THADA: variants seen among roughly 807,000 people sequenced by gnomAD.
THADA encodes tRNA (32-2'-O)-methyltransferase regulator THADA.
In THADA, 213 loss-of-function variants were observed where a neutral mutation model predicts 219.8. The ratio of observed to expected loss-of-function variants is 0.97; its 90% CI spans 0.87 to 1.09. The LOEUF is 1.09. Among genes scored for constraint, THADA ranks in the 50% least tolerant of loss-of-function variants. The probability of loss-of-function intolerance (pLI) is 0.00; values close to 1 mark genes in which losing one functional copy is unlikely to be tolerated. For missense variants in THADA, 2,956 were observed against 2,311.3 expected (o/e 1.28, Z -5.72); for synonymous variants, 1,018 against 828.9 (o/e 1.23, Z -3.92).
intron 36 of THADA, among the ~76,000 whole-genome samples, chr2:43,245,242 G>A (rs1312345574): frequency 2.9e-5 from 4 of 138,314 alleles, no homozygotes; most frequent in Admixed American, 7.7e-5. Flanking sequence ...GTGTGATCTC[G>A]GCTCACTGCA....
In THADA at chr2:43,556,453, T is replaced by G. The variant is rs760803193; in HGVS notation, c.2566A>C (p.Ile856Leu). The change falls in exon 17 of 38, where the codon ATC becomes CTC. Residue 856 changes from isoleucine (I) to leucine (L), a missense_variant. Ile to Leu is a conservative substitution (Grantham distance 5). Coordinates refer to ENST00000405975, the MANE Select transcript of THADA (RefSeq NM_022065.5). Reference sequence around the variant, plus strand: ...GATGACGGTAGAGCATCCTGCCAGATTAAGAAGTTCAGCAGGTAGGAAGCT... The same window carrying G: ...GATGACGGTAGAGCATCCTGCCAGAGTAAGAAGTTCAGCAGGTAGGAAGCT... ...VTASYLLNFL[I>L]WQDALPSSLS... 2.5e-6 allele frequency: 4 copies of G among 1,613,832 alleles called. No individual in the cohort carries two copies. The highest frequency in any genetic ancestry group is 3.4e-6 in the Non-Finnish European group (4 of 1,179,824).
chr2:43,306,177 A>AT (rs1007919973), intron 31 of THADA, among the ~76,000 whole-genome samples: 3 of 151,910 alleles, frequency 2.0e-5, no homozygotes, highest in African/African-American at 4.8e-5. Flanking sequence ...TGCCTGGCTA[A>AT]TTTTTTGTAT....
intron 10 of THADA, among the ~76,000 whole-genome samples, chr2:43,576,002 AG>A (rs1699816717): frequency 6.6e-6 from 1 of 152,378 alleles, no homozygotes; most frequent in Middle Eastern, 3.4e-3. Context: ...CCTATGTTAA[AG>A]TGCTTCATAA....
intron 29 of THADA, among the ~76,000 whole-genome samples, chr2:43,358,903 A>C (rs1422823360): frequency 1.3e-5 from 2 of 152,242 alleles, no homozygotes; most frequent in African/African-American, 4.8e-5. Flanking sequence ...AAGACTGTGA[A>C]TCTTTAAAAG....
chr2:43,576,759 A>G (rs1299057441), intron 10 of THADA, among the ~76,000 whole-genome samples: 1 of 152,142 alleles, frequency 6.6e-6, no homozygotes, highest in Non-Finnish European at 1.5e-5. Context: ...GGCTCAAGCA[A>G]TGTTCTCACC....
chr2:43,301,835 C>T (rs570520640), intron 31 of THADA, among the ~76,000 whole-genome samples: 4 of 152,218 alleles, frequency 2.6e-5, no homozygotes, highest in South Asian at 2.1e-4. Context: ...AGGTAGAGTT[C>T]GTCAAAGGGT....
chr2:43,490,475 A>G (rs1687491253), intron 25 of THADA, among the ~76,000 whole-genome samples: 1 of 152,122 alleles, frequency 6.6e-6, no homozygotes, highest in Admixed American at 6.5e-5. Context: ...TGGATTTTCC[A>G]CTGAGGTTGA....
At chr2:43,430,154 A>C in intron 27 of THADA, 59 bp downstream of exon 27, 1 of 813,370 alleles carries the variant, frequency 1.2e-6, no homozygotes, top group South Asian at 2.3e-5. Flanking sequence ...GGAAAATCTC[A>C]ATTACTAAGG....
rs529292274 is a variant in THADA, at chr2:43,432,033, T to C, written c.3837-1731A>G. Reference sequence around the variant, plus strand: ...CACTACGCCCGGCTAATTTTTTGTATTTTTAGTAGAGACGGGGTTTCACCG... The same window carrying C: ...CACTACGCCCGGCTAATTTTTTGTACTTTTAGTAGAGACGGGGTTTCACCG... On this transcript the variant is annotated intron_variant, in intron 26 of 37. Transcript: ENST00000405975. Among the ~76,000 whole-genome samples the C allele has an allele frequency of 4.8e-5, 6 of 124,124 alleles. 1 individual carries two copies. Among genetic ancestry groups the C allele is most frequent in the Non-Finnish European group, 9.9e-5 (6 of 60,374 alleles). 81.4% of individuals were successfully genotyped at this position (124,124 alleles called of 152,430 possible). A position where few individuals can be genotyped will look rare whatever the true frequency, so the allele number is the denominator to read the frequency against.
At chr2:43,519,047 C>CA (rs1692087387) in intron 22 of THADA, among the ~76,000 whole-genome samples, 1 of 151,768 alleles carries the variant, frequency 6.6e-6, no homozygotes, top group Non-Finnish European at 1.5e-5. Flanking sequence ...TTGCTTTTTG[C>CA]CAATGTTATT....
At chr2:43,420,255 T>A (rs1172875910) in intron 28 of THADA, among the ~76,000 whole-genome samples, 1 of 152,252 alleles carries the variant, frequency 6.6e-6, no homozygotes, top group Admixed American at 6.5e-5. Flanking sequence ...ATATGTCATA[T>A]AATTAAGTGG....
At chr2:43,252,716 G>A (rs6743112) in intron 36 of THADA, among the ~76,000 whole-genome samples, 5,788 of 152,168 alleles carry the variant, frequency 0.038, 363 homozygotes, top group African/African-American at 0.13. Flanking sequence ...CTAGTCCCCA[G>A]TGCTCTTGTC....
chr2:43,517,294 A>G (rs1026048741), intron 22 of THADA, among the ~76,000 whole-genome samples: 1 of 152,156 alleles, frequency 6.6e-6, no homozygotes, highest in African/African-American at 2.4e-5. Flanking sequence ...TGAAGAAATT[A>G]CTTCACCTGC....
chr2:43,512,788 C>T (rs1235054449), intron 22 of THADA, among the ~76,000 whole-genome samples: 1 of 152,206 alleles, frequency 6.6e-6, no homozygotes, highest in African/African-American at 2.4e-5. Context: ...AGGCGTGAGC[C>T]ACCGCACCCG....
rs760164939 is a variant in THADA at position 43,279,888 on chromosome 2, C to T, written c.5173G>A (p.Asp1725Asn). 3.9e-6 allele frequency: 6 copies of T among 1,536,472 alleles called. No homozygotes were observed. Among genetic ancestry groups the T allele is most frequent in the East Asian group, 2.4e-5 (1 of 41,240 alleles). Residue 1725 changes from aspartate to asparagine, a missense_variant, in exon 36 of 38, where the codon GAT becomes AAT. Coordinates refer to ENST00000405975, the MANE Select transcript of THADA (RefSeq NM_022065.5). ...TNPHPILELQ[D>N]TLALWKCVLT... ...ACACACTTCCAGAGAGCAAGTGTAT[C>T]CTGCAACTCTAAGAAGACCAAAAGG... is the stretch of plus-strand genomic sequence containing the variant.
At chr2:43,293,323 C>T (rs1674971335) in intron 31 of THADA, 110 bp from the exon 32 acceptor site, 1 of 1,258,374 alleles carries the variant, frequency 7.9e-7, no homozygotes, top group Non-Finnish European at 1.1e-6. Flanking sequence ...AGATGTCTCC[C>T]ATAAGCAGAT....
At chr2:43,570,230 G>C (rs1172822052) in intron 14 of THADA, among the ~76,000 whole-genome samples, 158 bp downstream of exon 14, 1 of 152,048 alleles carries the variant, frequency 6.6e-6, no homozygotes, top group East Asian at 1.9e-4. Flanking sequence ...ACATCAAGTA[G>C]AGTACCAAAG....
intron 15 of THADA, chr2:43,565,789 G>C (rs1698596331): frequency 6.6e-6 from 1 of 152,158 alleles, no homozygotes; most frequent in Non-Finnish European, 1.5e-5. Context: ...CATATACAGG[G>C]AAAAAAGAAT....
At chr2:43,373,847 ATGTTC>A (rs1482979999) in intron 29 of THADA, among the ~76,000 whole-genome samples, 1 of 152,226 alleles carries the variant, frequency 6.6e-6, no homozygotes, top group Non-Finnish European at 1.5e-5. Context: ...TTACCAACAG[ATGTTC>A]TTTGTATTGA....
Sources: allele counts gnomAD v4.1 joint callset (sites outside exome capture counted in the v4.1 genomes callset), GRCh38; gene constraint gnomAD v4.1.1; transcripts MANE v1.5; gene names NCBI Gene and HGNC (gene_info 2026-07-23, HGNC 2026-07-21).